Variants in ZBTB20 observed in about 807,000 individuals in gnomAD.
ZBTB20 encodes the protein zinc finger and BTB domain containing 20, also known as zinc finger and BTB domain-containing protein 20.
Under a neutral mutation model 56.9 loss-of-function variants are expected in ZBTB20, and 9 were observed. That is an observed-to-expected ratio of 0.16 (90% CI 0.10 to 0.28). The LOEUF (loss-of-function observed/expected upper bound fraction) is 0.28. ZBTB20 is among the 10% of genes least tolerant of loss of function. The pLI is 1.00. For missense variants in ZBTB20, 655 were observed against 1,003.0 expected (o/e 0.65, Z 4.69); for synonymous variants, 417 against 420.7 (o/e 0.99, Z 0.11).
At chr3:115,066,621 A>T (rs2082216822) in intron 2 of ZBTB20, among the ~76,000 whole-genome samples, 1 of 152,100 alleles carries the variant, frequency 6.6e-6, no homozygotes, top group African/African-American at 2.4e-5. Flanking sequence ...TCCTCACTTA[A>T]AACCCTTCAG....
chr3:114,966,565 A>G (rs1303649085), intron 3 of ZBTB20, among the ~76,000 whole-genome samples: 1 of 152,084 alleles, frequency 6.6e-6, no homozygotes, highest in Non-Finnish European at 1.5e-5. Context: ...ATCGGTGTGT[A>G]GGCTTAAACC....
At chr3:114,878,355 G>T (rs1232550712) in intron 4 of ZBTB20, among the ~76,000 whole-genome samples, 1 of 152,090 alleles carries the variant, frequency 6.6e-6, no homozygotes, top group Non-Finnish European at 1.5e-5. Flanking sequence ...CAGGTTAATA[G>T]ATTTTATTGA....
intron 4 of ZBTB20, among the ~76,000 whole-genome samples, chr3:114,893,714 G>GA (rs147811498): frequency 0.37 from 55,265 of 148,250 alleles, 12,192 homozygotes; most frequent in Non-Finnish European, 0.52. Context: ...GGTAAATAGT[G>GA]AAAAAAAAAA....
chr3:114,440,913 T>C (rs567366959), intron 7 of ZBTB20, among the ~76,000 whole-genome samples: 2 of 152,336 alleles, frequency 1.3e-5, no homozygotes, highest in East Asian at 3.9e-4. Flanking sequence ...ATTAGGGCTG[T>C]CCTCTCTGAG....
At chr3:114,836,405 TG>T (rs1287580601) in intron 4 of ZBTB20, among the ~76,000 whole-genome samples, 2 of 152,168 alleles carry the variant, frequency 1.3e-5, no homozygotes, top group African/African-American at 4.8e-5. Flanking sequence ...ATGTTGGAAA[TG>T]GTTTTCCAAA....
intron 2 of ZBTB20, among the ~76,000 whole-genome samples, chr3:114,974,852 C>T (rs1050416830): frequency 6.6e-6 from 1 of 152,026 alleles, no homozygotes; most frequent in African/African-American, 2.4e-5. Context: ...AAAGATAAAA[C>T]ACAAGCCCTA....
chr3:114,360,668 G>C (rs2081767684), intron 10 of ZBTB20, among the ~76,000 whole-genome samples: 1 of 152,028 alleles, frequency 6.6e-6, no homozygotes, highest in South Asian at 2.1e-4. Flanking sequence ...CTATGGACTT[G>C]AGCCATGATA....
chr3:115,118,520 A>G (rs2084086287), intron 1 of ZBTB20, among the ~76,000 whole-genome samples: 1 of 152,092 alleles, frequency 6.6e-6, no homozygotes, highest in Non-Finnish European at 1.5e-5. Context: ...CGCACTTAAC[A>G]TTCCATCAAG....
At chr3:114,569,770 C>T (rs1408406119) in intron 6 of ZBTB20, among the ~76,000 whole-genome samples, 1 of 151,468 alleles carries the variant, frequency 6.6e-6, no homozygotes, top group African/African-American at 2.4e-5. Flanking sequence ...ATTTAATGAG[C>T]ACTTTCTATA....
Position 115,095,390 on chromosome 3 carries a change from A to G in ZBTB20, c.-702-23976T>C, listed in dbSNP as rs568273575. On this transcript the variant is annotated intron_variant, in intron 1 of 11. Coordinates refer to ENST00000675478, the MANE Select transcript of ZBTB20 (RefSeq NM_001348800.3). ...AGCTGAGTGTCAAAAGATTCCAGAA[A>G]GGCAAGCTCCATGTCCTCAAGCTGA... 8.1e-4 allele frequency among the ~76,000 whole-genome samples: 124 copies of G among 152,276 alleles called. 1 individual carries two copies. The highest frequency in any genetic ancestry group is 1.2e-3 in the Non-Finnish European group (81 of 67,994).
rs145501621 is a variant in ZBTB20 at position 115,091,232 on chromosome 3, C to T, written c.-702-19818G>A. Among the ~76,000 whole-genome samples the T allele has an allele frequency of 6.6e-3, 1,011 of 152,056 alleles. 4 individuals are homozygous for T. Among genetic ancestry groups the T allele is most frequent in the African/African-American group, 0.022 (898 of 41,530 alleles). ...TTTGCCTCAGTTTCCTCTTCTAAAA[C>T]ATGAAATATCAAATAGCACTTTCAA... On this transcript the variant is annotated intron_variant, in intron 1 of 11. Coordinates refer to ENST00000675478, the MANE Select transcript of ZBTB20 (RefSeq NM_001348800.3).
intron 6 of ZBTB20, among the ~76,000 whole-genome samples, chr3:114,537,248 G>A (rs1006607331): frequency 6.6e-6 from 1 of 151,948 alleles, no homozygotes; most frequent in African/African-American, 2.4e-5. Flanking sequence ...ATCTAACAAA[G>A]GGCTAATATC....
intron 6 of ZBTB20, among the ~76,000 whole-genome samples, chr3:114,550,350 C>A (rs1479217823): frequency 1.3e-5 from 2 of 152,160 alleles, no homozygotes; most frequent in African/African-American, 4.8e-5. Flanking sequence ...ATATTTACAT[C>A]ACTTTTTCCA....
chr3:114,580,672 TA>T (rs2054554928), intron 6 of ZBTB20, among the ~76,000 whole-genome samples: 1 of 151,654 alleles, frequency 6.6e-6, no homozygotes. Context: ...TAATAACCAA[TA>T]AACAATGAAA....
chr3:114,692,417 C>T (rs1004875035), intron 6 of ZBTB20, among the ~76,000 whole-genome samples: 5 of 152,102 alleles, frequency 3.3e-5, no homozygotes, highest in African/African-American at 1.2e-4. Context: ...GGATTATGCA[C>T]AATGGATATG....
At chr3:114,385,032 C>T (rs1306259967) in intron 8 of ZBTB20, among the ~76,000 whole-genome samples, 3 of 152,068 alleles carry the variant, frequency 2.0e-5, no homozygotes, top group African/African-American at 7.2e-5. Flanking sequence ...TCACCCTATC[C>T]CAATTTTCTC....
At chr3:115,000,634 A>C (rs2079208212) in intron 2 of ZBTB20, among the ~76,000 whole-genome samples, 1 of 151,600 alleles carries the variant, frequency 6.6e-6, no homozygotes, top group Non-Finnish European at 1.5e-5. Context: ...GGACAAGACC[A>C]AAGAGAACTT....
chr3:114,818,666 A>G (rs1203375940), intron 4 of ZBTB20, among the ~76,000 whole-genome samples: 1 of 152,054 alleles, frequency 6.6e-6, no homozygotes, highest in Admixed American at 6.5e-5. Context: ...AGAAAATAGT[A>G]TGTTAATCCA....
At chr3:114,712,060 T>C (rs1215177180) in intron 5 of ZBTB20, among the ~76,000 whole-genome samples, 2 of 152,198 alleles carry the variant, frequency 1.3e-5, no homozygotes, top group South Asian at 2.1e-4. Flanking sequence ...TTAGAAGTCC[T>C]GGCAGCGATC....
Sources: allele counts gnomAD v4.1 joint callset (sites outside exome capture counted in the v4.1 genomes callset), GRCh38; gene constraint gnomAD v4.1.1; transcripts MANE v1.5; gene names NCBI Gene and HGNC (gene_info 2026-07-23, HGNC 2026-07-21).